The following CHD6 variants were observed in gnomAD, a reference collection of about 807,000 sequenced individuals.
The protein encoded by CHD6 is chromodomain helicase DNA binding protein 6.
Under a neutral mutation model 276.9 loss-of-function variants are expected in CHD6, and 50 were observed. The observed-to-expected ratio is 0.18, with a 90% CI of 0.14 to 0.23. CHD6 has a LOEUF of 0.23. Among genes scored for constraint, CHD6 ranks in the 10% least tolerant of loss-of-function variants. The pLI, the probability that CHD6 is intolerant of heterozygous loss-of-function variation, is 1.00. For missense variants in CHD6, 2,564 were observed against 3,365.8 expected (o/e 0.76, Z 5.89); for synonymous variants, 1,173 against 1,229.3 (o/e 0.95, Z 0.96).
chr20:41,563,714 T>C (rs1036232132), intron 1 of CHD6, among the ~76,000 whole-genome samples: 1 of 152,210 alleles, frequency 6.6e-6, no homozygotes, highest in Non-Finnish European at 1.5e-5. Context: ...ATATATCACA[T>C]TGTAAGGTAA....
At chr20:41,526,890 T>C (rs1436348547) in intron 3 of CHD6, among the ~76,000 whole-genome samples, 1 of 152,034 alleles carries the variant, frequency 6.6e-6, no homozygotes, top group East Asian at 1.9e-4. Flanking sequence ...AATTCCTGGG[T>C]TCCACCCCAG....
In CHD6 at chr20:41,512,923, C is replaced by A; in HGVS notation, c.775G>T (p.Asp259Tyr). ...EDLDFKVVDD[D>Y]GETIAVLGAG... ...CCAAGAACAGCAATTGTTTCCCCAT[C>A]ATCATCCACCACTTTGAAGTCCAGG... The change falls in exon 5 of 37, where the codon GAT becomes TAT. Residue 259 changes from aspartate (D) to tyrosine (Y), a missense_variant. Asp to Tyr is a radical substitution (Grantham distance 160). Transcript: ENST00000373233. The A allele has an allele frequency of 6.2e-7, 1 of 1,614,098 alleles. No homozygotes were observed. The highest frequency in any genetic ancestry group is 8.5e-7 in the Non-Finnish European group (1 of 1,179,960).
At position 41,425,279 on chromosome 20, in the gene CHD6, C is replaced by A. The variant is rs2047324075; in HGVS notation, c.4245G>T (p.Arg1415=). ...GGTTACCTGGTCCCAGAATTTCAGG[C>A]CGGCACAGTTCCTTGCGGTTGCAGC... ...YQRCNRKELC[R]PEILGPGNQG... Residue 1415 remains arginine, a synonymous_variant, in exon 29 of 37, where the codon CGG becomes CGT. Coordinates refer to ENST00000373233, the MANE Select transcript of CHD6 (RefSeq NM_032221.5). 1 of 1,614,058 alleles carries A rather than the reference C, an allele frequency of 6.2e-7. No homozygotes were observed. The highest frequency in any genetic ancestry group is 8.5e-7 in the Non-Finnish European group (1 of 1,180,050).
At position 41,460,876 on chromosome 20, in the gene CHD6, C is replaced by T. The variant is rs148204915; in HGVS notation, c.2665-3448G>A. 5.8e-3 allele frequency among the ~76,000 whole-genome samples: 890 copies of T among 152,242 alleles called. 8 individuals carry two copies. Among genetic ancestry groups the T allele is most frequent in the Middle Eastern group, 0.024 (7 of 294 alleles). Reference sequence around the variant, plus strand: ...CAGAACTGTAGATCCACTGACAGTTCGCACTGTGTGCCTGGAGAAGCCACA... The same window carrying T: ...CAGAACTGTAGATCCACTGACAGTTTGCACTGTGTGCCTGGAGAAGCCACA... On this transcript the variant is annotated intron_variant, in intron 17 of 36. Coordinates refer to ENST00000373233, the MANE Select transcript of CHD6 (RefSeq NM_032221.5).
intron 33 of CHD6, 85 bp from the exon 34 acceptor site, chr20:41,415,723 G>T: frequency 9.9e-7 from 1 of 1,014,618 alleles, no homozygotes; most frequent in Non-Finnish European, 1.4e-6. Context: ...GATTTCCCTA[G>T]GCCTCATATT....
intron 9 of CHD6, 31 bp downstream of exon 9, chr20:41,493,822 AGAAGG>A: frequency 6.3e-7 from 1 of 1,587,756 alleles, no homozygotes; most frequent in Non-Finnish European, 8.6e-7. Context: ...ATACGTGGAA[AGAAGG>A]GAAGATGCTT....
chr20:41,592,737 T>G (rs565756783), intron 1 of CHD6, among the ~76,000 whole-genome samples: 1 of 152,296 alleles, frequency 6.6e-6, no homozygotes, highest in East Asian at 1.9e-4. Flanking sequence ...GGAACAGCAC[T>G]GGCATTAGCA....
intron 1 of CHD6, among the ~76,000 whole-genome samples, chr20:41,563,106 C>T (rs1408746415): frequency 1.3e-5 from 2 of 152,124 alleles, no homozygotes; most frequent in East Asian, 3.9e-4. Context: ...GCTCTGTTAC[C>T]CTGCATGTGG....
intron 27 of CHD6, among the ~76,000 whole-genome samples, chr20:41,427,866 T>C (rs1267048093): frequency 1.3e-5 from 2 of 152,262 alleles, no homozygotes; most frequent in African/African-American, 4.8e-5. Context: ...GAGAGGACTT[T>C]TTAAATATCC....
intron 2 of CHD6, among the ~76,000 whole-genome samples, chr20:41,542,692 CA>C (rs547041896): frequency 6.8e-6 from 1 of 147,208 alleles, no homozygotes; most frequent in Non-Finnish European, 1.5e-5. Context: ...GACTCCGTCT[CA>C]AAAAAAAAGA....
At chr20:41,575,742 T>A (rs945123238) in intron 1 of CHD6, among the ~76,000 whole-genome samples, 9 of 152,256 alleles carry the variant, frequency 5.9e-5, no homozygotes, top group Non-Finnish European at 8.8e-5. Flanking sequence ...CTCCCTTTCA[T>A]TGTATGGTTT....
At chr20:41,617,797 C>T (rs959873094) in intron 1 of CHD6, among the ~76,000 whole-genome samples, 9 of 151,686 alleles carry the variant, frequency 5.9e-5, no homozygotes, top group African/African-American at 2.2e-4. Flanking sequence ...CCCGGAACAG[C>T]AGCCTGGCAC....
At chr20:41,591,379 T>TAC (rs201725894) in intron 1 of CHD6, among the ~76,000 whole-genome samples, 3,604 of 144,108 alleles carry the variant, frequency 0.025, 40 homozygotes, top group Middle Eastern at 0.06. Context: ...TATATATATA[T>TAC]ACACACACAC....
At chr20:41,537,874 T>TAC (rs149184928) in intron 2 of CHD6, among the ~76,000 whole-genome samples, 39,356 of 151,420 alleles carry the variant, frequency 0.26, 6,276 homozygotes, top group East Asian at 0.48. Flanking sequence ...CCATCATAGA[T>TAC]ACACACACAC....
chr20:41,473,934 A>C lies in CHD6; in HGVS notation c.2469-417T>G, dbSNP rs1416898536. ...ATCTACTTTGAGTAGTGCTCACAAA[A>C]AGGACTCAGAGTTTTCATCAGTTTC... is the stretch of plus-strand genomic sequence containing the variant. On this transcript the variant is annotated intron_variant, in intron 16 of 36. Coordinates refer to ENST00000373233, the MANE Select transcript of CHD6 (RefSeq NM_032221.5). This position sits in a 1 kb window ranked among gnomAD's most constrained non-coding sequence, Gnocchi z 4.1. Among the ~76,000 whole-genome samples the C allele has an allele frequency of 6.6e-6, 1 of 152,172 alleles. No homozygotes were observed. Among genetic ancestry groups the C allele is most frequent in the Non-Finnish European group, 1.5e-5 (1 of 68,028 alleles).
intron 36 of CHD6, among the ~76,000 whole-genome samples, chr20:41,409,397 C>T (rs910614483): frequency 2.6e-5 from 4 of 152,212 alleles, no homozygotes; most frequent in Non-Finnish European, 1.5e-5. Flanking sequence ...TCCTTATGTT[C>T]AAGCACACTG....
intron 3 of CHD6, among the ~76,000 whole-genome samples, chr20:41,525,322 C>G (rs988538519): frequency 6.6e-6 from 1 of 152,208 alleles, no homozygotes; most frequent in African/African-American, 2.4e-5. Flanking sequence ...TGAGTTCATC[C>G]TGGAGCTGAC....
intron 3 of CHD6, among the ~76,000 whole-genome samples, chr20:41,524,971 T>C (rs1397442524): frequency 6.6e-6 from 1 of 152,252 alleles, no homozygotes; most frequent in African/African-American, 2.4e-5. Flanking sequence ...TCCTGCTTTA[T>C]GCTGCTCGTT....
intron 15 of CHD6, among the ~76,000 whole-genome samples, 193 bp from the exon 16 acceptor site, chr20:41,483,712 C>T (rs768500261): frequency 6.6e-6 from 1 of 152,084 alleles, no homozygotes; most frequent in Non-Finnish European, 1.5e-5. Context: ...GGAGAGAATG[C>T]GGGTGCTCCA....
Sources: allele counts gnomAD v4.1 joint callset (sites outside exome capture counted in the v4.1 genomes callset), GRCh38; gene constraint gnomAD v4.1.1; non-coding constraint Gnocchi (gnomAD v3.1); transcripts MANE v1.5; gene names NCBI Gene and HGNC (gene_info 2026-07-23, HGNC 2026-07-21).